The following KIAA0586 variants were observed in gnomAD, a reference collection of about 807,000 sequenced individuals.
KIAA0586 encodes the protein protein TALPID3.
KIAA0586 carries 144 observed loss-of-function variants against 169.8 expected under a neutral mutation model. The ratio of observed to expected loss-of-function variants is 0.85; its 90% CI spans 0.74 to 0.97. The LOEUF (loss-of-function observed/expected upper bound fraction) is 0.97, where lower values mean the gene tolerates loss of function less well. Among genes scored for constraint, KIAA0586 ranks in the 50% least tolerant of loss-of-function variants. KIAA0586 has a pLI of 0.00. For synonymous variants in KIAA0586, 625 were observed against 612.4 expected, an observed-to-expected ratio of 1.02 and a Z score of -0.30; for missense variants, 1,854 against 1,823.0, an observed-to-expected ratio of 1.02 and a Z score of -0.31.
Position 58,511,908 on chromosome 14 carries a change from A to G in KIAA0586, c.4324-614A>G, listed in dbSNP as rs34378256. On this transcript the variant is annotated intron_variant, in intron 28 of 30. Transcript: ENST00000652326. Reference sequence around the variant, plus strand: ...AAGCGCATAAAATAGGAAAGAGAAGAAAGAAAATCACACAATTTGTGATGT... The same window carrying G: ...AAGCGCATAAAATAGGAAAGAGAAGGAAGAAAATCACACAATTTGTGATGT... Among the ~76,000 whole-genome samples, 808 of 152,296 alleles carry G rather than the reference A, an allele frequency of 5.3e-3. 2 individuals are homozygous for G. Among genetic ancestry groups the G allele is most frequent in the Middle Eastern group, 0.024 (7 of 294 alleles).
chr14:58,434,336 A>G (rs993396852), intron 4 of KIAA0586, among the ~76,000 whole-genome samples: 14 of 152,212 alleles, frequency 9.2e-5, no homozygotes, highest in Admixed American at 5.9e-4. Flanking sequence ...CCATATAACT[A>G]AGAAGATTTT....
intron 30 of KIAA0586, among the ~76,000 whole-genome samples, chr14:58,543,695 A>G (rs1301355439): frequency 2.6e-5 from 4 of 152,190 alleles, no homozygotes; most frequent in Admixed American, 2.0e-4. Flanking sequence ...CAAATCTGTC[A>G]TTTCAGAGTG....
chr14:58,518,242 A>G (rs960490936), intron 29 of KIAA0586, among the ~76,000 whole-genome samples: 9 of 152,336 alleles, frequency 5.9e-5, no homozygotes, highest in South Asian at 2.1e-4. Context: ...TAAATGTGAT[A>G]CTGTATTACA....
At chr14:58,463,131 CT>C (rs2040469319) in intron 14 of KIAA0586, among the ~76,000 whole-genome samples, 3 of 352 alleles carry the variant, frequency 8.5e-3, no homozygotes, top group Non-Finnish European at 0.04. Flanking sequence ...TTGCATGGTT[CT>C]CTCTCTCAAT....
At chr14:58,454,742 T>C (rs28860573) in intron 9 of KIAA0586, among the ~76,000 whole-genome samples, 15,465 of 152,264 alleles carry the variant, frequency 0.1, 1,081 homozygotes, top group African/African-American at 0.19. Context: ...TTGGTTTCTT[T>C]TGAGGCCTTT....
Position 58,488,785 on chromosome 14 carries a change from G to GT in KIAA0586, c.3693dup (p.Val1232CysfsTer5). On this transcript the variant is annotated frameshift_variant, in exon 24 of 31. Transcript: ENST00000652326. LOFTEE classifies it high-confidence loss of function. ...TCATCAACACTGGAGAGCACATTGA[G>GT]TGTTACTGTCACTGAAACTGAAACT... The GT allele has an allele frequency of 6.2e-7, 1 of 1,613,876 alleles. No individual in the cohort carries two copies. The highest frequency in any genetic ancestry group is 1.3e-5 in the African/African-American group (1 of 75,018).
chr14:58,464,704 T>G (rs1320567544), intron 14 of KIAA0586, among the ~76,000 whole-genome samples: 1 of 152,132 alleles, frequency 6.6e-6, no homozygotes, highest in East Asian at 1.9e-4. Context: ...CCCAATACCC[T>G]CAATGGATGC....
chr14:58,456,641 C>A, intron 9 of KIAA0586, 61 bp from the exon 10 acceptor site: 2 of 872,360 alleles, frequency 2.3e-6, no homozygotes, highest in Non-Finnish European at 3.7e-6. Flanking sequence ...ACTGAATTTA[C>A]AACAATTTAG....
intron 29 of KIAA0586, among the ~76,000 whole-genome samples, chr14:58,531,319 T>TC (rs2045949331): frequency 7.2e-6 from 1 of 138,294 alleles, no homozygotes; most frequent in Non-Finnish European, 1.5e-5. Flanking sequence ...AGACCGAGAC[T>TC]CCGTCTCAAA....
the KIAA0586 span, among the ~76,000 whole-genome samples, chr14:58,557,899 A>ATATTTTTTTTTTTT: frequency 2.1e-5 from 1 of 46,610 alleles, no homozygotes; most frequent in African/African-American, 9.8e-5. Flanking sequence ...ATCCTGAGAA[A>ATATTTTTTTTTTTT]TCTTTTTTTT....
chr14:58,481,404 T>C (rs1157562425), intron 20 of KIAA0586, among the ~76,000 whole-genome samples: 1 of 152,208 alleles, frequency 6.6e-6, no homozygotes, highest in Non-Finnish European at 1.5e-5. Flanking sequence ...GATATTAATA[T>C]ACCTATAGGA....
At chr14:58,519,063 C>T (rs566500112) in intron 29 of KIAA0586, among the ~76,000 whole-genome samples, 31 of 152,274 alleles carry the variant, frequency 2.0e-4, no homozygotes, top group Middle Eastern at 3.4e-3. Context: ...GCCTAGGAGG[C>T]GGAGGTTGCA....
chr14:58,461,071 G>T lies in KIAA0586; in HGVS notation c.1970G>T (p.Ser657Ile). Residue 657 changes from serine to isoleucine, a missense_variant, in exon 14 of 31, where the codon AGC becomes ATC. Ser to Ile is a moderately radical substitution (Grantham distance 142, BLOSUM62 -2). Coordinates refer to ENST00000652326, the MANE Select transcript of KIAA0586 (RefSeq NM_001329943.3). ...AAGCCAGTTTATCAGGGCCATCGAAGCACTCTTAAAAAAGGACCATATCTC... is the reference window on the plus strand; with the variant it reads ...AAGCCAGTTTATCAGGGCCATCGAATCACTCTTAAAAAAGGACCATATCTC... ...YGKPVYQGHRSTLKKGPYLRF... is the reference protein window; with the variant it reads ...YGKPVYQGHRITLKKGPYLRF... The T allele has an allele frequency of 1.2e-6, 2 of 1,611,788 alleles. No homozygotes were observed.
Position 58,453,356 on chromosome 14 carries a change from TA to T in KIAA0586, c.1138del (p.Arg380AspfsTer7). 1 of 1,305,088 alleles carries T rather than the reference TA, an allele frequency of 7.7e-7. No individual in the cohort carries two copies. The highest frequency in any genetic ancestry group is 1.1e-6 in the Non-Finnish European group (1 of 950,420). The allele number at this position is 1,305,088 out of a possible 1,614,324, so 80.8% of individuals were successfully genotyped here. A position where few individuals can be genotyped will look rare whatever the true frequency, so the allele number is the denominator to read the frequency against. On this transcript the variant is annotated frameshift_variant, in exon 9 of 31. Coordinates refer to ENST00000652326, the MANE Select transcript of KIAA0586 (RefSeq NM_001329943.3). LOFTEE classifies it high-confidence loss of function. The part of the protein sequence containing the change: ...NMEVSCHRGN[V>X]RLLEQILNNN... Reference sequence around the variant, plus strand: ...TATATCTCTTCTATTTCAGGAAATGTAAGACTATTGGAACAAATTTTGAATA... The same window carrying T: ...TATATCTCTTCTATTTCAGGAAATGTAGACTATTGGAACAAATTTTGAATA...
intron 21 of KIAA0586, among the ~76,000 whole-genome samples, chr14:58,484,911 TA>T (rs2042314835): frequency 3.5e-5 from 1 of 28,606 alleles, no homozygotes; most frequent in African/African-American, 1.2e-4. Context: ...TATATATATA[TA>T]TATATATATA....
At chr14:58,500,572 G>T (rs1360993670) in intron 27 of KIAA0586, among the ~76,000 whole-genome samples, 1 of 152,068 alleles carries the variant, frequency 6.6e-6, no homozygotes, top group African/African-American at 2.4e-5. Context: ...GGGCATAGTG[G>T]CAGATGCCTG....
In KIAA0586 at chr14:58,487,165, A is replaced by G; in HGVS notation, c.3303A>G (p.Lys1101=). 6.2e-7 allele frequency: 1 copy of G among 1,607,472 alleles called. No homozygotes were observed. The highest frequency in any genetic ancestry group is 1.7e-5 in the Admixed American group (1 of 58,702). The change falls in exon 22 of 31, where the codon AAA becomes AAG. Residue 1101 remains lysine (K), a splice_region_variant and synonymous_variant. Coordinates refer to ENST00000652326, the MANE Select transcript of KIAA0586 (RefSeq NM_001329943.3). The stretch of plus-strand genomic sequence containing the variant: ...CTGTGAAAGAAATATGTGCTGAAAA[A>G]GGTAGAAACTTTATTTCTATAACTC... ...AFPVKEICAE[K]GDDMPAIMLV... is the part of the protein sequence containing the mutation.
chr14:58,430,589 T>C (rs891087303), intron 2 of KIAA0586, 59 bp from the exon 3 acceptor site: 153 of 1,088,666 alleles, frequency 1.4e-4, no homozygotes, highest in Non-Finnish European at 1.8e-4. Flanking sequence ...TAAACGGTTC[T>C]TGATAAATAA....
downstream of KIAA0586, among the ~76,000 whole-genome samples, chr14:58,556,239 C>A (rs532449990): frequency 2.0e-5 from 3 of 152,334 alleles, no homozygotes; most frequent in African/African-American, 7.2e-5. Flanking sequence ...TCCACTTGGG[C>A]AGACTGAACA....
Sources: allele counts gnomAD v4.1 joint callset (sites outside exome capture counted in the v4.1 genomes callset), GRCh38; gene constraint gnomAD v4.1.1; transcripts MANE v1.5; gene names NCBI Gene and HGNC (gene_info 2026-07-23, HGNC 2026-07-21).